Variants in NLRP7 observed in about 807,000 individuals in gnomAD.
NLRP7 encodes the protein NLR family pyrin domain containing 7.
NLRP7 carries 72 observed loss-of-function variants against 85.5 expected under a neutral mutation model. The ratio of observed to expected loss-of-function variants is 0.84; its 90% CI spans 0.70 to 1.02. The LOEUF (loss-of-function observed/expected upper bound fraction) is 1.02, where lower values mean the gene tolerates loss of function less well. NLRP7 is among the 50% of genes least tolerant of loss of function. NLRP7 has a pLI of 0.00. For missense variants in NLRP7, 1,243 were observed against 1,219.5 expected (o/e 1.02, Z -0.29); for synonymous variants, 550 against 505.2 (o/e 1.09, Z -1.19).
At chr19:54,956,484 C>CT (rs888229105) in intron 1 of NLRP7, among the ~76,000 whole-genome samples, 1 of 151,800 alleles carries the variant, frequency 6.6e-6, no homozygotes. Context: ...GAGGTCAGGA[C>CT]TTTGAGACCA....
At chr19:54,942,577 A>AGC (rs10687682) in intron 1 of NLRP7, among the ~76,000 whole-genome samples, 146,092 of 151,844 alleles carry the variant, frequency 0.96, 70,328 homozygotes, top group East Asian at 1. Context: ...TACAGAAATT[A>AGC]CAGGCGGGTG....
At position 54,940,483 on chromosome 19, in the gene NLRP7, T is replaced by C. The variant is rs2069176396; in HGVS notation, c.353-17A>G. On this transcript the variant is annotated splice_polypyrimidine_tract_variant and intron_variant, in intron 3 of 9. Coordinates refer to ENST00000340844, the Ensembl canonical transcript of NLRP7. The stretch of plus-strand genomic sequence containing the variant: ...CCTTTTCACCTGCAGTGACAGCCCA[T>C]AGGACAGTTGAGGTTGATGATGATG... 1.2e-6 allele frequency: 2 copies of C among 1,612,768 alleles called. No homozygotes were observed. Among genetic ancestry groups the C allele is most frequent in the South Asian group, 1.1e-5 (1 of 91,070 alleles).
chr19:54,933,270 C>G (rs933094575), intron 8 of NLRP7, among the ~76,000 whole-genome samples: 2 of 152,064 alleles, frequency 1.3e-5, no homozygotes, highest in Non-Finnish European at 1.5e-5. Flanking sequence ...CTCATCCTCC[C>G]AAGTAGCTGG....
At position 54,957,680 on chromosome 19, in the gene NLRP7, T is replaced by C. The variant is rs149646317; in HGVS notation, c.-77+8360A>G. 7.7e-4 allele frequency among the ~76,000 whole-genome samples: 118 copies of C among 152,262 alleles called. No homozygotes were observed. In the East Asian group the frequency reaches 0.017, roughly 22 times the overall value. ...CCTTTCTGTAGCTCAGGCAGCTAGA[T>C]GAGCTTCAATCATCTGGCCCTTCCT... On this transcript the variant is annotated intron_variant, in intron 1 of 2. Coordinates refer to the NLRP7 transcript ENST00000587103.
At chr19:54,925,416 A>C (rs115364702) in intron 9 of NLRP7, among the ~76,000 whole-genome samples, 3,234 of 152,318 alleles carry the variant, frequency 0.021, 97 homozygotes, top group African/African-American at 0.072. Context: ...GCAGGATATA[A>C]ATAACTCCCA....
chr19:54,940,369 G>A, exon 4 of NLRP7: 1 of 1,614,194 alleles, frequency 6.2e-7, no homozygotes, highest in Non-Finnish European at 8.5e-7. Flanking sequence ...TTCTCAGAGT[G>A]ACGTCGTCAT....
chr19:54,951,249 A>G (rs2069658633), upstream of NLRP7, among the ~76,000 whole-genome samples: 1 of 152,142 alleles, frequency 6.6e-6, no homozygotes, highest in Non-Finnish European at 1.5e-5. Context: ...TTTTCCCCAC[A>G]AAAATATCCT....
intron 1 of NLRP7, among the ~76,000 whole-genome samples, chr19:54,946,107 A>G (rs1314659417): frequency 7.7e-6 from 1 of 129,182 alleles, no homozygotes; most frequent in South Asian, 2.4e-4. Flanking sequence ...GGGTTTCTCT[A>G]TGTTGGCCAG....
chr19:54,953,774 G>A (rs1259954817), intron 1 of NLRP7, among the ~76,000 whole-genome samples: 2 of 151,680 alleles, frequency 1.3e-5, no homozygotes, highest in East Asian at 3.9e-4. Context: ...GGGCTGAGGC[G>A]GGTGGATCAC....
rs140816006 is a variant in NLRP7 at position 54,940,069 on chromosome 19, G to T, written c.750C>A (p.Phe250Leu). The change falls in exon 4 of 10, where the codon TTC (phenylalanine) becomes TTA (leucine). Residue 250 changes from phenylalanine (F) to leucine (L), a missense_variant. By Grantham distance (22) the Phe-to-Leu change is conservative. Coordinates refer to ENST00000340844, the Ensembl canonical transcript of NLRP7. ...TCAGCTCATCAAGGCCATCGACCAC[G>T]AACAGGATTCTCTGTGCTTGGGCTA... 67 of 1,614,046 alleles carry T rather than the reference G, an allele frequency of 4.2e-5. No homozygotes were observed. In the African/African-American group the frequency reaches 8.0e-4, roughly 19 times the overall value.
upstream of NLRP7, among the ~76,000 whole-genome samples, chr19:54,950,605 C>T (rs1157917379): frequency 6.6e-6 from 1 of 152,132 alleles, no homozygotes; most frequent in Non-Finnish European, 1.5e-5. Flanking sequence ...GATATGCATA[C>T]ACATAAACAT....
intron 1 of NLRP7, chr19:54,953,408 C>G (rs1036731205): frequency 3.3e-5 from 5 of 152,198 alleles, no homozygotes; most frequent in Non-Finnish European, 5.9e-5. Context: ...TAATCAGATC[C>G]AAACAAAACA....
chr19:54,963,182 G>A (rs866384857), intron 1 of NLRP7, among the ~76,000 whole-genome samples: 9 of 151,780 alleles, frequency 5.9e-5, no homozygotes, highest in South Asian at 2.1e-4. Context: ...GATTGCTTAA[G>A]CCCATGGGGT....
At chr19:54,959,415 G>A (rs576855061) in intron 1 of NLRP7, among the ~76,000 whole-genome samples, 27 of 151,426 alleles carry the variant, frequency 1.8e-4, no homozygotes, top group Admixed American at 7.9e-4. Flanking sequence ...GGGATTACAG[G>A]CGTGAGCCAC....
At chr19:54,939,501 C>T in exon 4 of NLRP7, 2 of 1,613,802 alleles carry the variant, frequency 1.2e-6, no homozygotes, top group South Asian at 2.2e-5. Context: ...GACTCCTGCA[C>T]CCCGAGCCTT....
In NLRP7 at chr19:54,940,232, G is replaced by C; in HGVS notation, c.587C>G (p.Thr196Arg). Residue 196 changes from threonine (T) to arginine (R), a missense_variant, in exon 4 of 10, where the codon ACA (threonine) becomes AGA (arginine). Thr to Arg is a moderately conservative substitution (Grantham distance 71). Transcript: ENST00000340844. ...GAGCGTCGGGCTGAGGTTGCAGTCT[G>C]TCCAGTCCAGCATACACTTTTTGGC... The C allele has an allele frequency of 1.2e-6, 2 of 1,614,188 alleles. No individual in the cohort carries two copies. The highest frequency in any genetic ancestry group is 1.7e-6 in the Non-Finnish European group (2 of 1,180,032).
At chr19:54,941,107 T>C in intron 2 of NLRP7, 102 bp from the exon 3 acceptor site, 1 of 890,224 alleles carries the variant, frequency 1.1e-6, no homozygotes, top group Non-Finnish European at 1.9e-6. Flanking sequence ...CTCATGCCTG[T>C]AATCACAGCA....
At chr19:54,962,917 T>G (rs2070110549) in intron 1 of NLRP7, among the ~76,000 whole-genome samples, 1 of 152,088 alleles carries the variant, frequency 6.6e-6, no homozygotes, top group Non-Finnish European at 1.5e-5. Context: ...TTCTTATTCT[T>G]TCTAGGATAG....
intron 1 of NLRP7, among the ~76,000 whole-genome samples, chr19:54,960,510 T>C (rs1265561916): frequency 6.6e-6 from 1 of 151,860 alleles, no homozygotes; most frequent in East Asian, 1.9e-4. Context: ...TATGTGACCT[T>C]GGGGTTGCTA....
Sources: gnomAD v4.1 joint callset for allele counts (sites outside exome capture counted in the v4.1 genomes callset) on GRCh38, gnomAD v4.1.1 for gene constraint, MANE v1.5 for transcripts, NCBI Gene and HGNC (gene_info 2026-07-23, HGNC 2026-07-21) for gene names.